ERC2: variants seen among roughly 807,000 people sequenced by gnomAD.
The protein encoded by ERC2 is ERC protein 2.
In ERC2, 42 loss-of-function variants were observed where a neutral mutation model predicts 114.8. That is an observed-to-expected ratio of 0.37 (90% CI 0.29 to 0.47). ERC2 has a LOEUF of 0.47. Among genes scored for constraint, ERC2 ranks in the 20% least tolerant of loss-of-function variants. ERC2 has a pLI of 0.99. For missense variants in ERC2, 939 were observed against 1,150.7 expected (o/e 0.82, Z 2.66); for synonymous variants, 454 against 425.5 (o/e 1.07, Z -0.82).
At chr3:56,240,543 A>G (rs1034762159) in intron 3 of ERC2, among the ~76,000 whole-genome samples, 7 of 152,344 alleles carry the variant, frequency 4.6e-5, no homozygotes, top group Admixed American at 4.6e-4. Context: ...GTGCTAAATC[A>G]TCTACCATAT....
chr3:55,527,111 G>A (rs750841933), intron 17 of ERC2, among the ~76,000 whole-genome samples: 3 of 152,230 alleles, frequency 2.0e-5, no homozygotes, highest in Non-Finnish European at 4.4e-5. Context: ...AAATGAATCA[G>A]TGAATGAATG....
At chr3:55,635,856 AT>A (rs1276499800) in intron 17 of ERC2, among the ~76,000 whole-genome samples, 1 of 142,844 alleles carries the variant, frequency 7.0e-6, no homozygotes, top group Non-Finnish European at 1.6e-5. Context: ...TTTAATTTTT[AT>A]TTTTATTTTA....
intron 14 of ERC2, among the ~76,000 whole-genome samples, chr3:55,832,528 C>CAG: frequency 6.6e-6 from 1 of 152,366 alleles, no homozygotes; most frequent in Non-Finnish European, 1.5e-5. Context: ...CAAACTCCAA[C>CAG]AGACCTGCAG....
rs560958129 is a variant in ERC2 at position 55,996,879 on chromosome 3, T to C, written c.2062-4629A>G. ...GGCAAAACTTCAGATTAATACTATATGTAAATGAAAGTTAAGAAGCCAAAA... is the reference window on the plus strand; with the variant it reads ...GGCAAAACTTCAGATTAATACTATACGTAAATGAAAGTTAAGAAGCCAAAA... On this transcript the variant is annotated intron_variant, in intron 10 of 17. Transcript: ENST00000288221. 1.4e-4 allele frequency among the ~76,000 whole-genome samples: 21 copies of C among 152,336 alleles called. No homozygotes were observed. In the South Asian group the frequency reaches 3.3e-3, roughly 24 times the overall value.
intron 17 of ERC2, among the ~76,000 whole-genome samples, chr3:55,558,625 C>A (rs1032031612): frequency 6.6e-6 from 1 of 152,218 alleles, no homozygotes; most frequent in Non-Finnish European, 1.5e-5. Context: ...ACTATAATTC[C>A]TTTTCTAGTA....
chr3:55,657,818 C>G (rs1054905543), intron 17 of ERC2: 1 of 152,070 alleles, frequency 6.6e-6, no homozygotes, highest in African/African-American at 2.4e-5. Flanking sequence ...GTGTAGATAA[C>G]AATTTTTAAT....
intron 7 of ERC2, among the ~76,000 whole-genome samples, chr3:56,030,260 A>T (rs2074298896): frequency 2.0e-5 from 3 of 152,194 alleles, no homozygotes; most frequent in Admixed American, 2.0e-4. Flanking sequence ...TTATATATGT[A>T]CTTGCAAATA....
At chr3:55,852,039 T>C (rs1283144905) in intron 14 of ERC2, among the ~76,000 whole-genome samples, 1 of 152,202 alleles carries the variant, frequency 6.6e-6, no homozygotes, top group Non-Finnish European at 1.5e-5. Flanking sequence ...CTGACCAACA[T>C]GGTGAAACCT....
chr3:55,628,062 CATA>C (rs1415975389), intron 17 of ERC2, among the ~76,000 whole-genome samples: 1 of 152,008 alleles, frequency 6.6e-6, no homozygotes, highest in Non-Finnish European at 1.5e-5. Flanking sequence ...CAAAGTTACT[CATA>C]ATATCTTTTA....
intron 14 of ERC2, among the ~76,000 whole-genome samples, chr3:55,747,665 C>G (rs2066393961): frequency 6.6e-6 from 1 of 152,218 alleles, no homozygotes; most frequent in South Asian, 2.1e-4. Flanking sequence ...GTCAACAGAA[C>G]AGAAAGCAAA....
At chr3:56,023,767 A>AAAGGAAGGAAGG (rs768746262) in intron 7 of ERC2, among the ~76,000 whole-genome samples, 3,022 of 49,594 alleles carry the variant, frequency 0.061, 75 homozygotes, top group South Asian at 0.073. Context: ...ATGAATGAAA[A>AAAGGAAGGAAGG]AAGGAATGAA....
intron 12 of ERC2, among the ~76,000 whole-genome samples, chr3:55,980,181 G>C (rs2069995419): frequency 6.6e-6 from 1 of 151,038 alleles, no homozygotes; most frequent in South Asian, 2.1e-4. Context: ...CTGATTTCTG[G>C]GTTCTGTTTT....
chr3:56,403,447 T>G (rs1576785266), intron 2 of ERC2, among the ~76,000 whole-genome samples: 1 of 152,146 alleles, frequency 6.6e-6, no homozygotes, highest in Non-Finnish European at 1.5e-5. Flanking sequence ...AAGCGGCAGG[T>G]GGTTACCACA....
chr3:55,749,867 C>T (rs1224943990), intron 14 of ERC2, among the ~76,000 whole-genome samples: 3 of 152,130 alleles, frequency 2.0e-5, no homozygotes, highest in African/African-American at 7.2e-5. Flanking sequence ...ACACTCACTG[C>T]GAAGGTCTAC....
At chr3:56,050,905 G>A (rs1458829459) in intron 7 of ERC2, among the ~76,000 whole-genome samples, 3 of 152,152 alleles carry the variant, frequency 2.0e-5, no homozygotes, top group Non-Finnish European at 2.9e-5. Flanking sequence ...TTGCTCATTA[G>A]AAATATTAGG....
intron 17 of ERC2, among the ~76,000 whole-genome samples, chr3:55,527,610 A>G (rs1205974410): frequency 6.6e-6 from 1 of 152,202 alleles, no homozygotes; most frequent in African/African-American, 2.4e-5. Context: ...TAAGTAACTT[A>G]GGCAAACACT....
intron 2 of ERC2, among the ~76,000 whole-genome samples, chr3:56,298,639 C>A (rs1482871458): frequency 6.8e-6 from 1 of 147,542 alleles, no homozygotes; most frequent in African/African-American, 2.5e-5. Context: ...TATGATTCCA[C>A]TAATAGAATG....
At chr3:55,649,257 A>C (rs2060514105) in intron 17 of ERC2, among the ~76,000 whole-genome samples, 1 of 112,988 alleles carries the variant, frequency 8.9e-6, no homozygotes. Context: ...TCCAACGCTG[A>C]ATTTTTTTTT....
At chr3:55,654,314 G>A (rs940856409) in intron 17 of ERC2, among the ~76,000 whole-genome samples, 4 of 152,212 alleles carry the variant, frequency 2.6e-5, no homozygotes, top group Non-Finnish European at 5.9e-5. Context: ...CACAAATCCA[G>A]TGTTGGGTGG....
Sources: allele counts gnomAD v4.1 joint callset (sites outside exome capture counted in the v4.1 genomes callset), GRCh38; gene constraint gnomAD v4.1.1; transcripts MANE v1.5; gene names NCBI Gene and HGNC (gene_info 2026-07-23, HGNC 2026-07-21).